TTC23L: variants seen among roughly 807,000 people sequenced by gnomAD.
The protein encoded by TTC23L is tetratricopeptide repeat domain 23 like, also known as tetratricopeptide repeat protein 23-like.
A neutral mutation model predicts 48.1 loss-of-function variants in TTC23L; 42 were observed. The ratio of observed to expected loss-of-function variants is 0.87; its 90% CI spans 0.68 to 1.13. The LOEUF is 1.13. TTC23L is among the 50% of genes most tolerant of loss of function. TTC23L has a pLI of 0.00. For synonymous variants in TTC23L, 159 were observed against 157.2 expected (o/e 1.01, Z -0.09); for missense variants, 391 against 421.0 (o/e 0.93, Z 0.62).
At chr5:34,915,530 C>G in the TTC23L span, 4 of 543,266 alleles carry the variant, frequency 7.4e-6, no homozygotes, top group East Asian at 1.0e-4. Context: ...ACTCTTCAGA[C>G]CGGCCCTCCA....
the TTC23L span, chr5:34,923,370 C>T: frequency 1.5e-6 from 1 of 662,526 alleles, no homozygotes; most frequent in African/African-American, 1.8e-5. Flanking sequence ...ACCTCCACCT[C>T]CCGGGTTCAA....
intron 9 of TTC23L, among the ~76,000 whole-genome samples, chr5:34,891,546 A>G (rs115954886): frequency 1.2e-3 from 185 of 152,326 alleles, no homozygotes; most frequent in African/African-American, 4.3e-3. Context: ...TTGAAATCAG[A>G]GATGATTGTT....
intron 4 of TTC23L, among the ~76,000 whole-genome samples, chr5:34,859,547 C>A (rs574167242): frequency 6.8e-6 from 1 of 147,042 alleles, no homozygotes; most frequent in Non-Finnish European, 1.5e-5. Context: ...GCCCCTCCCT[C>A]ATGAATGGGA....
intron 9 of TTC23L, among the ~76,000 whole-genome samples, chr5:34,894,444 T>C (rs942012380): frequency 7.2e-5 from 11 of 152,166 alleles, no homozygotes; most frequent in African/African-American, 1.4e-4. Context: ...GCAATATATA[T>C]AGCATAACTC....
Position 34,850,167 on chromosome 5 carries a change from C to T in TTC23L, c.256-18C>T, listed in dbSNP as rs180921280. On this transcript the variant is annotated intron_variant, in intron 3 of 10. Transcript: ENST00000505624. ...TCTCTTCCTTTCCAAAAAGTATAAT[C>T]ACTTCTGTACTCTACAGAATACTCA... 8.1e-6 allele frequency: 13 copies of T among 1,612,584 alleles called. No homozygotes were observed. Among genetic ancestry groups the T allele is most frequent in the Non-Finnish European group, 1.1e-5 (13 of 1,179,118 alleles).
intron 4 of TTC23L, among the ~76,000 whole-genome samples, chr5:34,862,019 A>C (rs1760702684): frequency 6.6e-6 from 1 of 152,162 alleles, no homozygotes; most frequent in Non-Finnish European, 1.5e-5. Flanking sequence ...TTTGAGGGGA[A>C]CCTGGTGCTA....
chr5:34,899,874 T>C (rs142320881), downstream of TTC23L, among the ~76,000 whole-genome samples: 2 of 151,690 alleles, frequency 1.3e-5, no homozygotes. Context: ...TGGCGACAGA[T>C]AGAGACTGCG....
At chr5:34,840,540 G>A (rs1415950990) in intron 1 of TTC23L, 125 bp from the exon 2 acceptor site, 2 of 770,160 alleles carry the variant, frequency 2.6e-6, no homozygotes, top group East Asian at 2.5e-5. Flanking sequence ...TGCGTAGTCT[G>A]TGGATTTAGG....
Position 34,863,810 on chromosome 5 carries a change from A to G in TTC23L, c.537-627A>G, listed in dbSNP as rs538563369. Among the ~76,000 whole-genome samples the G allele has an allele frequency of 2.6e-5, 4 of 152,268 alleles. 1 individual carries two copies. The South Asian group carries it at 8.3e-4, about 32-fold the overall frequency. ...GGGCATTTGATGTTCACGCATCATC[A>G]TGAGCACTCTTTGAGCCTATGTGTC... is the stretch of plus-strand genomic sequence containing the variant. On this transcript the variant is annotated intron_variant, in intron 5 of 10. Transcript: ENST00000505624. The surrounding 1 kb of genome is among the most constrained non-coding windows in gnomAD (Gnocchi z 4.1).
At chr5:34,906,278 A>G in the TTC23L span, 179 of 152,248 alleles carry the variant, frequency 1.2e-3, no homozygotes, top group African/African-American at 4.2e-3. Flanking sequence ...TTTTAAATGT[A>G]CAAAAATATC....
chr5:34,896,355 G>A (rs547474847), intron 9 of TTC23L, among the ~76,000 whole-genome samples: 1 of 152,278 alleles, frequency 6.6e-6, no homozygotes, highest in African/African-American at 2.4e-5. Flanking sequence ...CTGCCCTGGG[G>A]TACGGGTGGG....
At chr5:34,916,253 G>A in the TTC23L span, 1 of 176,692 alleles carries the variant, frequency 5.7e-6, no homozygotes, top group Non-Finnish European at 1.2e-5. Flanking sequence ...TATTTCTCCA[G>A]TGATTAGTAT....
At chr5:34,889,898 G>A (rs1762757935) in intron 9 of TTC23L, among the ~76,000 whole-genome samples, 1 of 151,732 alleles carries the variant, frequency 6.6e-6, no homozygotes, top group Non-Finnish European at 1.5e-5. Flanking sequence ...TAGTGCAGTG[G>A]CGCGATCTTG....
At chr5:34,839,701 G>A in intron 1 of TTC23L, 1 of 982,300 alleles carries the variant, frequency 1.0e-6, no homozygotes, top group Non-Finnish European at 1.2e-6. Flanking sequence ...ATTCTGGAGG[G>A]TGAAAGGAGA....
the TTC23L span, chr5:34,908,710 A>G: frequency 2.8e-6 from 4 of 1,446,358 alleles, no homozygotes; most frequent in African/African-American, 4.3e-5. Context: ...CTGTACTCAG[A>G]ATAAGAACTT....
chr5:34,891,600 A>G (rs1762869786), intron 9 of TTC23L, among the ~76,000 whole-genome samples: 1 of 152,232 alleles, frequency 6.6e-6, no homozygotes, highest in Non-Finnish European at 1.5e-5. Flanking sequence ...TGAATCTTTG[A>G]ACATATCTAA....
chr5:34,915,823 C>T, the TTC23L span: 12 of 1,575,398 alleles, frequency 7.6e-6, no homozygotes, highest in South Asian at 1.4e-4. Flanking sequence ...TGCGGAGCCG[C>T]CAGCTAAGCG....
At chr5:34,874,836 TATG>T (rs915875584) in intron 8 of TTC23L, among the ~76,000 whole-genome samples, 1 of 151,710 alleles carries the variant, frequency 6.6e-6, no homozygotes, top group African/African-American at 2.4e-5. Flanking sequence ...AAAGTAACAA[TATG>T]GTAAATGTTA....
chr5:34,915,775 G>A, the TTC23L span: 3 of 1,601,172 alleles, frequency 1.9e-6, no homozygotes, highest in East Asian at 4.5e-5. Context: ...TGGAGGCTTT[G>A]CAGTTCAGGC....
Sources: allele counts gnomAD v4.1 joint callset (sites outside exome capture counted in the v4.1 genomes callset), GRCh38; gene constraint gnomAD v4.1.1; non-coding constraint Gnocchi (gnomAD v3.1); transcripts MANE v1.5; gene names NCBI Gene and HGNC (gene_info 2026-07-23, HGNC 2026-07-21).